Variants in CDH12 observed in about 807,000 individuals in gnomAD.
CDH12 encodes the protein cadherin-12.
Under a neutral mutation model 74.1 loss-of-function variants are expected in CDH12, and 41 were observed. The ratio of observed to expected loss-of-function variants is 0.55; its 90% CI spans 0.43 to 0.72. CDH12 has a LOEUF of 0.72. Ranked by LOEUF, CDH12 falls within the 30% of genes least tolerant of loss-of-function variation. The pLI, the probability that CDH12 is intolerant of heterozygous loss-of-function variation, is 0.00. For missense variants in CDH12, 945 were observed against 977.2 expected (o/e 0.97, Z 0.44); for synonymous variants, 399 against 355.0 (o/e 1.12, Z -1.39).
chr5:22,749,586 A>G (rs1009990647), intron 1 of CDH12, among the ~76,000 whole-genome samples: 1 of 152,230 alleles, frequency 6.6e-6, no homozygotes, highest in African/African-American at 2.4e-5. Flanking sequence ...AATTGGTATT[A>G]CTAGCATGAG....
chr5:22,369,390 T>C (rs1741173745), intron 3 of CDH12, among the ~76,000 whole-genome samples: 1 of 152,104 alleles, frequency 6.6e-6, no homozygotes, highest in African/African-American at 2.4e-5. Flanking sequence ...AAAGACACTA[T>C]AAACACATTT....
chr5:22,365,403 C>A (rs1561347441), intron 3 of CDH12, among the ~76,000 whole-genome samples: 1 of 152,142 alleles, frequency 6.6e-6, no homozygotes, highest in Non-Finnish European at 1.5e-5. Context: ...GATATTCACT[C>A]AACAGTATTA....
At chr5:21,976,205 G>A (rs1757064783) in intron 5 of CDH12, among the ~76,000 whole-genome samples, 2 of 152,134 alleles carry the variant, frequency 1.3e-5, no homozygotes, top group Admixed American at 6.5e-5. Context: ...TATTTATGTT[G>A]AGTAATATGG....
chr5:22,302,813 T>C (rs1226538324), intron 3 of CDH12, among the ~76,000 whole-genome samples: 1 of 152,074 alleles, frequency 6.6e-6, no homozygotes, highest in Non-Finnish European at 1.5e-5. Flanking sequence ...TAAGAAATCA[T>C]CATGAATGTT....
rs1307806273 is a variant in CDH12 at position 21,763,573 on chromosome 5, G to A, written c.1515+1405C>T. 2.6e-5 allele frequency among the ~76,000 whole-genome samples: 4 copies of A among 152,220 alleles called. No individual in the cohort carries two copies. The East Asian group carries it at 7.7e-4, about 29-fold the overall frequency. ...AAGTGAATAGTTACGCTATTTAAAG[G>A]TGATCAAAAACTAGAGCAAACCAAA... On this transcript the variant is annotated intron_variant, in intron 12 of 14. Transcript: ENST00000382254.
chr5:21,837,887 T>TACAA (rs1749629638), intron 8 of CDH12, among the ~76,000 whole-genome samples: 1 of 152,032 alleles, frequency 6.6e-6, no homozygotes, highest in Non-Finnish European at 1.5e-5. Context: ...ATAGTCCAAG[T>TACAA]GTTCATGTAA....
In CDH12 at chr5:22,307,127, C is replaced by T. The variant is rs1054138551; in HGVS notation, c.-332-94484G>A. On this transcript the variant is annotated intron_variant, in intron 3 of 14. Transcript: ENST00000382254. ...CCTGAATGTGGAAACTCTCACAGCT[C>T]ACCTCAGATGACTTTAATGAGATTT... Among the ~76,000 whole-genome samples the T allele has an allele frequency of 1.2e-4, 18 of 152,158 alleles. 1 individual carries two copies. The highest frequency in any genetic ancestry group is 1.2e-3 in the Admixed American group (18 of 15,280).
At chr5:22,148,884 G>T (rs1747385789) in intron 4 of CDH12, among the ~76,000 whole-genome samples, 1 of 152,150 alleles carries the variant, frequency 6.6e-6, no homozygotes, top group Admixed American at 6.5e-5. Context: ...ACTTTGGGAG[G>T]CCGAGGCATG....
chr5:22,612,666 A>G (rs1737470531), intron 1 of CDH12, among the ~76,000 whole-genome samples: 1 of 152,094 alleles, frequency 6.6e-6, no homozygotes, highest in Non-Finnish European at 1.5e-5. Context: ...TGGTATTTAA[A>G]TTGACAGTTA....
chr5:22,556,006 C>T (rs962792861), intron 1 of CDH12, among the ~76,000 whole-genome samples: 11 of 151,596 alleles, frequency 7.3e-5, no homozygotes, highest in African/African-American at 2.7e-4. Context: ...ATGTATCAAA[C>T]CGTAACAGAG....
intron 6 of CDH12, chr5:21,883,318 A>G (rs1460597210): frequency 3.2e-5 from 49 of 1,509,684 alleles, no homozygotes; most frequent in Non-Finnish European, 4.3e-5. Flanking sequence ...CAGGATGCCT[A>G]TGTTCTGTTG....
intron 6 of CDH12, among the ~76,000 whole-genome samples, chr5:21,880,761 G>A (rs1247731901): frequency 1.4e-5 from 2 of 146,606 alleles, no homozygotes; most frequent in East Asian, 2.0e-4. Context: ...GCACTCACTC[G>A]TTGTGACGTC....
At chr5:22,455,052 C>T (rs538495599) in intron 2 of CDH12, among the ~76,000 whole-genome samples, 5 of 152,188 alleles carry the variant, frequency 3.3e-5, no homozygotes, top group African/African-American at 1.2e-4. Context: ...GATATGGAAA[C>T]TTTTGTAGAT....
chr5:22,296,415 T>A (rs1381920112), intron 3 of CDH12, among the ~76,000 whole-genome samples: 1 of 152,114 alleles, frequency 6.6e-6, no homozygotes, highest in Non-Finnish European at 1.5e-5. Context: ...AGGGTATCAC[T>A]GGGAATGGTA....
intron 3 of CDH12, among the ~76,000 whole-genome samples, chr5:22,372,725 C>T (rs1741349142): frequency 1.3e-5 from 2 of 152,264 alleles, no homozygotes; most frequent in South Asian, 4.2e-4. Context: ...ACACTTCTCC[C>T]ACTAAGACAT....
At chr5:22,734,560 C>G (rs1744588624) in intron 1 of CDH12, among the ~76,000 whole-genome samples, 1 of 151,856 alleles carries the variant, frequency 6.6e-6, no homozygotes. Flanking sequence ...CAAGGGCTGG[C>G]TGGTTTAAAG....
chr5:22,770,765 T>C (rs762463188), intron 1 of CDH12, among the ~76,000 whole-genome samples: 2 of 152,146 alleles, frequency 1.3e-5, no homozygotes, highest in Non-Finnish European at 2.9e-5. Context: ...TTTTAGATAA[T>C]TGGTGAGTAA....
chr5:22,036,973 C>A (rs531549307), intron 5 of CDH12, among the ~76,000 whole-genome samples: 1 of 152,130 alleles, frequency 6.6e-6, no homozygotes, highest in South Asian at 2.1e-4. Flanking sequence ...TCTTTTTAAT[C>A]CTCACTGGTA....
intron 1 of CDH12, among the ~76,000 whole-genome samples, chr5:22,701,197 T>C (rs1742695829): frequency 6.6e-6 from 1 of 152,162 alleles, no homozygotes; most frequent in Middle Eastern, 3.2e-3. Flanking sequence ...TTTGTAGGTT[T>C]GATAATCACC....
Sources: allele counts gnomAD v4.1 joint callset (sites outside exome capture counted in the v4.1 genomes callset), GRCh38; gene constraint gnomAD v4.1.1; transcripts MANE v1.5; gene names NCBI Gene and HGNC (gene_info 2026-07-23, HGNC 2026-07-21).